Variants in TAFA1 observed in about 807,000 individuals in gnomAD.
The protein encoded by TAFA1 is chemokine-like protein TAFA-1.
In TAFA1, 4 loss-of-function variants were observed where a neutral mutation model predicts 18.5. That is an observed-to-expected ratio of 0.22 (90% confidence interval 0.11 to 0.49). The LOEUF is 0.49. TAFA1 is among the 20% of genes least tolerant of loss of function. The pLI is 0.98. For synonymous variants in TAFA1, 56 were observed against 55.2 expected (o/e 1.01, Z -0.06); for missense variants, 147 against 169.0 (o/e 0.87, Z 0.72).
intron 2 of TAFA1, among the ~76,000 whole-genome samples, chr3:68,291,733 T>C (rs2068113593): frequency 6.6e-6 from 1 of 152,182 alleles, no homozygotes. Context: ...ATTTTCAAAG[T>C]ATTTTGAATC....
intron 2 of TAFA1, among the ~76,000 whole-genome samples, chr3:68,260,387 G>A (rs1022511554): frequency 9.9e-5 from 15 of 152,036 alleles, no homozygotes; most frequent in Non-Finnish European, 1.6e-4. Flanking sequence ...AAGGATATTG[G>A]TCTAAAATTC....
chr3:68,448,668 G>A (rs561225462), intron 3 of TAFA1, among the ~76,000 whole-genome samples: 22 of 151,910 alleles, frequency 1.4e-4, no homozygotes, highest in Non-Finnish European at 3.1e-4. Flanking sequence ...AAACTTCAAA[G>A]TACATTGAGT....
chr3:68,479,452 A>C (rs1422751911), intron 3 of TAFA1, among the ~76,000 whole-genome samples: 2 of 152,118 alleles, frequency 1.3e-5, no homozygotes, highest in East Asian at 3.9e-4. Context: ...TCCAGAGATC[A>C]ATGTCAGCAT....
chr3:68,022,393 G>A (rs1334241061), intron 2 of TAFA1, among the ~76,000 whole-genome samples: 1 of 152,108 alleles, frequency 6.6e-6, no homozygotes, highest in Non-Finnish European at 1.5e-5. Flanking sequence ...GTTCCTGACA[G>A]GACAGACATT....
At chr3:68,210,600 C>A (rs2066584766) in intron 2 of TAFA1, among the ~76,000 whole-genome samples, 1 of 152,000 alleles carries the variant, frequency 6.6e-6, no homozygotes, top group African/African-American at 2.4e-5. Flanking sequence ...CTGAGAAAGA[C>A]TATAAATATT....
chr3:68,153,044 G>T (rs2106924775), intron 2 of TAFA1, among the ~76,000 whole-genome samples: 1 of 152,242 alleles, frequency 6.6e-6, no homozygotes, highest in East Asian at 1.9e-4. Context: ...CAAGGAGAGG[G>T]AATGGATGTT....
intron 2 of TAFA1, among the ~76,000 whole-genome samples, chr3:68,130,549 C>T (rs1214111937): frequency 3.9e-5 from 6 of 152,204 alleles, no homozygotes; most frequent in Non-Finnish European, 5.9e-5. Flanking sequence ...CAGCACTGTG[C>T]TCCCTTTCTT....
rs114719575 is a variant in TAFA1 at position 68,286,319 on chromosome 3, A to G, written c.119-130961A>G. 2.4e-3 allele frequency among the ~76,000 whole-genome samples: 361 copies of G among 152,266 alleles called. 1 individual carries two copies. Among genetic ancestry groups the G allele is most frequent in the African/African-American group, 8.3e-3 (347 of 41,560 alleles). ...AGCTGAGGGGTGAGTTAATGAGTCT[A>G]CGTTAGTCCACGGGGCTATCCAAGA... On this transcript the variant is annotated intron_variant, in intron 2 of 4. Coordinates refer to ENST00000478136, the MANE Select transcript of TAFA1 (RefSeq NM_213609.4).
intron 3 of TAFA1, among the ~76,000 whole-genome samples, chr3:68,510,192 A>G (rs1312229639): frequency 6.6e-6 from 1 of 152,078 alleles, no homozygotes; most frequent in African/African-American, 2.4e-5. Context: ...TCACTCTCGT[A>G]GGCAGAGTCT....
intron 3 of TAFA1, among the ~76,000 whole-genome samples, chr3:68,532,408 G>A (rs77974046): frequency 6.6e-6 from 1 of 152,284 alleles, no homozygotes; most frequent in East Asian, 1.9e-4. Flanking sequence ...CTTTAAAAGT[G>A]TCAGACATTG....
Position 68,120,175 on chromosome 3 carries a change from T to C in TAFA1, c.118+113431T>C, listed in dbSNP as rs1441279738. Among the ~76,000 whole-genome samples the C allele has an allele frequency of 2.3e-4, 4 of 17,120 alleles. No individual in the cohort carries two copies. In the Admixed American group the frequency reaches 2.3e-3, roughly 10 times the overall value. 11.2% of individuals were successfully genotyped at this position (17,120 alleles called of 152,430 possible). ...TTTCTTTCTTTCTCTTTCTTTCTCT[T>C]TCTTTCTTTCTTTCTTTCTTTCTTT... On this transcript the variant is annotated intron_variant, in intron 2 of 4. Transcript: ENST00000478136.
intron 2 of TAFA1, among the ~76,000 whole-genome samples, chr3:68,341,268 G>A (rs895674539): frequency 2.6e-5 from 4 of 152,092 alleles, no homozygotes; most frequent in Non-Finnish European, 4.4e-5. Context: ...CTGGTTGGTC[G>A]GGTTGGAGAT....
chr3:68,367,754 T>C (rs561019743), intron 2 of TAFA1, among the ~76,000 whole-genome samples: 6 of 152,216 alleles, frequency 3.9e-5, no homozygotes, highest in African/African-American at 1.2e-4. Flanking sequence ...TGCCTGTTTG[T>C]TTGTTTGTTT....
At chr3:68,254,129 G>GTATC (rs1343808563) in intron 2 of TAFA1, among the ~76,000 whole-genome samples, 12 of 120,274 alleles carry the variant, frequency 1.0e-4, no homozygotes, top group African/African-American at 3.8e-4. Flanking sequence ...ATGTATGTAT[G>GTATC]TATGTATCTA....
intron 2 of TAFA1, among the ~76,000 whole-genome samples, chr3:68,082,340 C>A (rs1175778043): frequency 2.0e-5 from 3 of 152,186 alleles, no homozygotes; most frequent in East Asian, 3.9e-4. Context: ...CTCCTCCCCC[C>A]TGTTCCTACT....
intron 2 of TAFA1, among the ~76,000 whole-genome samples, chr3:68,167,672 A>AT (rs1354422021): frequency 1.3e-5 from 2 of 152,006 alleles, no homozygotes; most frequent in Non-Finnish European, 2.9e-5. Flanking sequence ...AGGAATCTGC[A>AT]TTTTTAAGGA....
chr3:68,389,941 C>T (rs1395612291), intron 2 of TAFA1, among the ~76,000 whole-genome samples: 1 of 152,138 alleles, frequency 6.6e-6, no homozygotes, highest in Non-Finnish European at 1.5e-5. Context: ...GCCATATGGG[C>T]AGACACTGAG....
intron 2 of TAFA1, among the ~76,000 whole-genome samples, chr3:68,280,447 T>C (rs1226807673): frequency 6.6e-6 from 1 of 151,796 alleles, no homozygotes; most frequent in Non-Finnish European, 1.5e-5. Context: ...TCTTGATGAG[T>C]GCAGTCTGGT....
At chr3:68,024,834 A>ACACACACACACACACACACACACACACAC (rs33967574) in intron 2 of TAFA1, among the ~76,000 whole-genome samples, 1 of 139,392 alleles carries the variant, frequency 7.2e-6, no homozygotes, top group Non-Finnish European at 1.6e-5. Flanking sequence ...CACACACACA[A>ACACACACACACACACACACACACACACAC]TTATACATTG....
Sources: allele counts gnomAD v4.1 joint callset (sites outside exome capture counted in the v4.1 genomes callset), GRCh38; gene constraint gnomAD v4.1.1; transcripts MANE v1.5; gene names NCBI Gene and HGNC (gene_info 2026-07-23, HGNC 2026-07-21).